Variants in RYR2 observed in about 807,000 individuals in gnomAD.
RYR2 encodes ryanodine receptor 2, also known as cardiac muscle ryanodine receptor-calcium release channel.
A neutral mutation model predicts 601.1 loss-of-function variants in RYR2; 227 were observed. The ratio of observed to expected loss-of-function variants is 0.38; its 90% CI spans 0.34 to 0.42. RYR2 has a LOEUF of 0.42. Ranked by LOEUF, RYR2 falls within the 10% of genes least tolerant of loss-of-function variation. The pLI, the probability that RYR2 is intolerant of heterozygous loss-of-function variation, is 1.00. For synonymous variants in RYR2, 2,223 were observed against 2,175.1 expected, an observed-to-expected ratio of 1.02 and a Z score of -0.61; for missense variants, 4,646 against 6,156.5, an observed-to-expected ratio of 0.75 and a Z score of 8.21.
chr1:237,612,722 G>A (rs566673362), intron 36 of RYR2, among the ~76,000 whole-genome samples: 8 of 152,214 alleles, frequency 5.3e-5, no homozygotes, highest in South Asian at 2.1e-4. Context: ...GAAGGAAAAC[G>A]TTGTGTCTCT....
intron 4 of RYR2, among the ~76,000 whole-genome samples, chr1:237,361,707 A>C (rs1192398145): frequency 6.6e-6 from 1 of 152,190 alleles, no homozygotes; most frequent in East Asian, 1.9e-4. Context: ...TTAGCTCATG[A>C]AACTGAAATA....
chr1:237,547,821 C>T (rs536140539), intron 25 of RYR2, among the ~76,000 whole-genome samples: 24 of 152,274 alleles, frequency 1.6e-4, no homozygotes, highest in Admixed American at 4.6e-4. Context: ...GATCCTTGAA[C>T]TCTAGGGAAA....
At chr1:237,575,763 AT>A (rs1248402949) in intron 29 of RYR2, among the ~76,000 whole-genome samples, 1 of 152,318 alleles carries the variant, frequency 6.6e-6, no homozygotes, top group Admixed American at 6.5e-5. Flanking sequence ...GTGCTAAAAG[AT>A]TTTTTCTAAA....
chr1:237,138,800 T>G (rs558317533), intron 1 of RYR2, among the ~76,000 whole-genome samples: 1 of 152,300 alleles, frequency 6.6e-6, no homozygotes, highest in Admixed American at 6.5e-5. Context: ...CATGAGAAGA[T>G]GTTCAACTTT....
intron 1 of RYR2, among the ~76,000 whole-genome samples, chr1:237,118,899 T>A (rs77655437): frequency 2.8e-4 from 42 of 152,132 alleles, no homozygotes; most frequent in South Asian, 1.2e-3. Context: ...CTTTTTTTTT[T>A]AAAAGACCTA....
intron 78 of RYR2, among the ~76,000 whole-genome samples, chr1:237,732,850 G>A (rs1233338966): frequency 2.6e-5 from 4 of 152,148 alleles, no homozygotes; most frequent in African/African-American, 9.6e-5. Flanking sequence ...AAGAAAGCCT[G>A]TTTTGCCCCC....
intron 82 of RYR2, among the ~76,000 whole-genome samples, chr1:237,759,097 T>TTTTGA (rs989279465): frequency 6.6e-6 from 1 of 151,798 alleles, no homozygotes; most frequent in Non-Finnish European, 1.5e-5. Flanking sequence ...GGGTTTTTTG[T>TTTTGA]TTTGTTTTGT....
chr1:237,816,336 CTT>C (rs1276212193), intron 100 of RYR2, among the ~76,000 whole-genome samples: 2 of 152,162 alleles, frequency 1.3e-5, no homozygotes, highest in African/African-American at 4.8e-5. Context: ...GTTAACCACT[CTT>C]TGTTGATTTC....
chr1:237,833,300 G>A lies in RYR2; in HGVS notation c.*653G>A, dbSNP rs1343065389. 2.7e-5 allele frequency: 4 copies of A among 147,700 alleles called. No individual in the cohort carries two copies. The East Asian group carries it at 7.9e-4, about 29-fold the overall frequency. 9.1% of individuals were successfully genotyped at this position (147,700 alleles called of 1,614,324 possible). A position where few individuals can be genotyped will look rare whatever the true frequency, so the allele number is the denominator to read the frequency against. ...TAAAAAGAAAAAAAAAAAACGGGTG[G>A]TGTGTCTCAGGACAAAAGGAGGCTC... is the stretch of plus-strand genomic sequence containing the variant. On this transcript the variant is annotated 3_prime_UTR_variant, in exon 105 of 105. Coordinates refer to ENST00000366574, the MANE Select transcript of RYR2 (RefSeq NM_001035.3).
At chr1:237,147,073 A>G (rs752665733) in intron 1 of RYR2, among the ~76,000 whole-genome samples, 18 of 152,216 alleles carry the variant, frequency 1.2e-4, no homozygotes, top group Non-Finnish European at 1.9e-4. Flanking sequence ...CAATCAGACA[A>G]TAGATATCTC....
rs1283399251 is a variant in RYR2, at chr1:237,610,714, C to T, written c.4684-48C>T. 9 of 1,463,754 alleles carry T rather than the reference C, an allele frequency of 6.1e-6. No individual in the cohort carries two copies. The highest frequency in any genetic ancestry group is 8.4e-6 in the Non-Finnish European group (9 of 1,074,600). The allele number at this position is 1,463,754 out of a possible 1,614,324, so 90.7% of individuals were successfully genotyped here. A position where few individuals can be genotyped will look rare whatever the true frequency, so the allele number is the denominator to read the frequency against. ...AATTCTAGTCATTACTTTGTGAACCCCAAGGGATGTTCTACATTTATTCTT... is the reference window on the plus strand; with the variant it reads ...AATTCTAGTCATTACTTTGTGAACCTCAAGGGATGTTCTACATTTATTCTT... On this transcript the variant is annotated intron_variant, in intron 35 of 104. Transcript: ENST00000366574. This position sits in a 1 kb window ranked among gnomAD's most constrained non-coding sequence, Gnocchi z 4.9.
intron 62 of RYR2, among the ~76,000 whole-genome samples, chr1:237,686,046 T>A (rs1686362504): frequency 6.6e-6 from 1 of 152,200 alleles, no homozygotes; most frequent in Non-Finnish European, 1.5e-5. Flanking sequence ...TGCTTCCCTC[T>A]CTTCCCATCC....
chr1:237,752,115 C>T (rs1692582789), intron 80 of RYR2, among the ~76,000 whole-genome samples: 1 of 152,100 alleles, frequency 6.6e-6, no homozygotes, highest in Admixed American at 6.5e-5. Flanking sequence ...ACTGGATGTA[C>T]AGTATGTGTG....
chr1:237,628,490 G>A (rs543819140), intron 41 of RYR2, among the ~76,000 whole-genome samples: 3 of 151,102 alleles, frequency 2.0e-5, no homozygotes, highest in East Asian at 3.9e-4. Flanking sequence ...TTGTTCTTGC[G>A]ATAGTTTACT....
chr1:237,043,199 C>G (rs1558131738), intron 1 of RYR2, among the ~76,000 whole-genome samples: 1 of 152,300 alleles, frequency 6.6e-6, no homozygotes, highest in East Asian at 1.9e-4. Context: ...GGAGTCGCCT[C>G]CGTGGTCCCC....
intron 21 of RYR2, among the ~76,000 whole-genome samples, chr1:237,501,115 A>G (rs992721981): frequency 9.9e-5 from 15 of 151,150 alleles, no homozygotes; most frequent in African/African-American, 3.7e-4. Flanking sequence ...TACGGATCCC[A>G]CAGTGTTTAG....
At chr1:237,104,562 G>T (rs975372864) in intron 1 of RYR2, among the ~76,000 whole-genome samples, 1 of 152,146 alleles carries the variant, frequency 6.6e-6, no homozygotes, top group African/African-American at 2.4e-5. Context: ...TGCAGGTGCT[G>T]TTCCCTTGCC....
At chr1:237,054,569 C>T (rs1448871725) in intron 1 of RYR2, among the ~76,000 whole-genome samples, 5 of 151,944 alleles carry the variant, frequency 3.3e-5, no homozygotes, top group Non-Finnish European at 4.4e-5. Flanking sequence ...TTGTAGATAC[C>T]GAGTGGGTTT....
At chr1:237,412,751 T>G (rs1704574399) in intron 10 of RYR2, among the ~76,000 whole-genome samples, 1 of 152,152 alleles carries the variant, frequency 6.6e-6, no homozygotes, top group Non-Finnish European at 1.5e-5. Flanking sequence ...GATGATTACC[T>G]CAAAAGGTGC....
Sources: allele counts gnomAD v4.1 joint callset (sites outside exome capture counted in the v4.1 genomes callset), GRCh38; gene constraint gnomAD v4.1.1; non-coding constraint Gnocchi (gnomAD v3.1); transcripts MANE v1.5; gene names NCBI Gene and HGNC (gene_info 2026-07-23, HGNC 2026-07-21).